The following CHCHD3 variants were observed in gnomAD, a reference collection of about 807,000 sequenced individuals.
CHCHD3 encodes the protein coiled-coil-helix-coiled-coil-helix domain containing 3, also known as MICOS complex subunit MIC19.
CHCHD3 carries 20 observed loss-of-function variants against 38.2 expected under a neutral mutation model. The observed-to-expected ratio is 0.52, with a 90% CI of 0.37 to 0.76. The LOEUF is 0.76. Ranked by LOEUF, CHCHD3 falls within the 30% of genes least tolerant of loss-of-function variation. The pLI is 0.00. For missense variants in CHCHD3, 245 were observed against 279.2 expected (o/e 0.88, Z 0.87); for synonymous variants, 82 against 100.0 (o/e 0.82, Z 1.07).
intron 4 of CHCHD3, among the ~76,000 whole-genome samples, chr7:132,907,670 G>C (rs1023793074): frequency 6.6e-6 from 1 of 152,150 alleles, no homozygotes; most frequent in East Asian, 1.9e-4. Flanking sequence ...TAGGCCATGG[G>C]GGGGCCGCTA....
chr7:132,844,331 T>C (rs558415257), intron 5 of CHCHD3, among the ~76,000 whole-genome samples: 2 of 152,264 alleles, frequency 1.3e-5, no homozygotes. Flanking sequence ...AAGAAAGATG[T>C]CCATGATCTT....
In CHCHD3 at chr7:132,943,140, T is replaced by A. The variant is rs562258861; in HGVS notation, c.369+32029A>T. Among the ~76,000 whole-genome samples the A allele has an allele frequency of 3.0e-4, 45 of 152,246 alleles. No individual in the cohort carries two copies. In the South Asian group the frequency reaches 8.5e-3, roughly 29 times the overall value. Reference sequence around the variant, plus strand: ...ATATTAGAAGCACAAAAATTTCAATTTATACATACATTCCAGATACTGCAT... The same window carrying A: ...ATATTAGAAGCACAAAAATTTCAATATATACATACATTCCAGATACTGCAT... On this transcript the variant is annotated intron_variant, in intron 4 of 7. Transcript: ENST00000262570.
chr7:132,915,929 T>C (rs530288246), intron 4 of CHCHD3, among the ~76,000 whole-genome samples: 2 of 151,060 alleles, frequency 1.3e-5, no homozygotes, highest in East Asian at 1.9e-4. Flanking sequence ...GTGAGTTTGG[T>C]TTTTTTTTAA....
intron 3 of CHCHD3, among the ~76,000 whole-genome samples, chr7:133,008,373 A>G (rs1403013346): frequency 5.3e-5 from 8 of 152,102 alleles, no homozygotes; most frequent in Non-Finnish European, 8.8e-5. Context: ...AGAGAAGAAA[A>G]AAAAAAACAA....
intron 5 of CHCHD3, 100 bp from the exon 6 acceptor site, chr7:132,838,569 A>C: frequency 2.4e-6 from 2 of 832,846 alleles, no homozygotes; most frequent in Non-Finnish European, 4.0e-6. Flanking sequence ...TGTTTCAGCC[A>C]CTCAAGCAGT....
intron 4 of CHCHD3, among the ~76,000 whole-genome samples, chr7:132,964,304 C>T (rs575385256): frequency 4.6e-5 from 7 of 152,140 alleles, no homozygotes; most frequent in Non-Finnish European, 8.8e-5. Context: ...AAGAGTAGGC[C>T]GGGCACAGTG....
intron 7 of CHCHD3, among the ~76,000 whole-genome samples, chr7:132,792,254 G>C (rs573206177): frequency 6.6e-6 from 1 of 152,316 alleles, no homozygotes; most frequent in South Asian, 2.1e-4. Flanking sequence ...GGAGGCTTAC[G>C]GCTGGCTGGA....
At chr7:132,848,173 A>G (rs1461207249) in intron 5 of CHCHD3, among the ~76,000 whole-genome samples, 2 of 152,138 alleles carry the variant, frequency 1.3e-5, no homozygotes, top group African/African-American at 4.8e-5. Flanking sequence ...TCCTCCTACA[A>G]CACAAGCAAA....
chr7:132,981,718 G>C (rs1405875744), intron 3 of CHCHD3, among the ~76,000 whole-genome samples: 1 of 152,122 alleles, frequency 6.6e-6, no homozygotes. Flanking sequence ...TTCTAGCTTA[G>C]AAAATTACTT....
intron 5 of CHCHD3, chr7:132,847,440 C>G (rs1451441162): frequency 6.6e-6 from 1 of 152,152 alleles, no homozygotes; most frequent in Non-Finnish European, 1.5e-5. Flanking sequence ...TCTCCTTAAA[C>G]TAATTTGGGG....
intron 4 of CHCHD3, among the ~76,000 whole-genome samples, chr7:132,974,881 A>G (rs956758082): frequency 1.3e-5 from 2 of 152,160 alleles, no homozygotes; most frequent in Non-Finnish European, 2.9e-5. Context: ...CTCAAAAAAA[A>G]AAAGGAAAGA....
At chr7:132,882,336 T>C (rs1461791930) in intron 5 of CHCHD3, among the ~76,000 whole-genome samples, 2 of 152,118 alleles carry the variant, frequency 1.3e-5, no homozygotes, top group Non-Finnish European at 2.9e-5. Flanking sequence ...TTATCGAGTA[T>C]TAAGTAACAG....
chr7:133,081,555 T>TA (rs1815171201), intron 1 of CHCHD3, among the ~76,000 whole-genome samples: 1 of 152,170 alleles, frequency 6.6e-6, no homozygotes, highest in Non-Finnish European at 1.5e-5. Flanking sequence ...GGGTTTCAAA[T>TA]ACGGTCCTGC....
chr7:133,063,276 G>C (rs1196197185), intron 2 of CHCHD3, among the ~76,000 whole-genome samples: 1 of 152,194 alleles, frequency 6.6e-6, no homozygotes, highest in Non-Finnish European at 1.5e-5. Context: ...GTCAAGGACT[G>C]TCACTACCCA....
At chr7:132,960,109 G>A (rs535447893) in intron 4 of CHCHD3, among the ~76,000 whole-genome samples, 1 of 152,270 alleles carries the variant, frequency 6.6e-6, no homozygotes, top group African/African-American at 2.4e-5. Context: ...AAAGATTTCT[G>A]TCAGGGTGAA....
chr7:132,961,842 A>G (rs542471426), intron 4 of CHCHD3, among the ~76,000 whole-genome samples: 1 of 152,160 alleles, frequency 6.6e-6, no homozygotes, highest in Non-Finnish European at 1.5e-5. Context: ...TGTGAGTTCA[A>G]CTTTTCTAGA....
intron 3 of CHCHD3, among the ~76,000 whole-genome samples, chr7:133,020,946 G>T (rs1285932686): frequency 6.7e-6 from 1 of 148,480 alleles, no homozygotes; most frequent in African/African-American, 2.5e-5. Context: ...TTTTGGTGGG[G>T]GGAGAACGGA....
intron 4 of CHCHD3, among the ~76,000 whole-genome samples, chr7:132,903,668 C>G (rs1362385508): frequency 6.6e-6 from 1 of 152,196 alleles, no homozygotes; most frequent in Non-Finnish European, 1.5e-5. Flanking sequence ...TCTTAACTAC[C>G]TGGCATGGGT....
At chr7:132,936,135 C>T (rs1231035521) in intron 4 of CHCHD3, among the ~76,000 whole-genome samples, 2 of 152,140 alleles carry the variant, frequency 1.3e-5, no homozygotes, top group Admixed American at 1.3e-4. Context: ...CCACCTCATG[C>T]TTTAACAATT....
Sources: allele counts gnomAD v4.1 joint callset (sites outside exome capture counted in the v4.1 genomes callset), GRCh38; gene constraint gnomAD v4.1.1; transcripts MANE v1.5; gene names NCBI Gene and HGNC (gene_info 2026-07-23, HGNC 2026-07-21).